REM2: variants seen among roughly 807,000 people sequenced by gnomAD.
REM2 encodes the protein GTP-binding protein REM 2.
In REM2, 24 loss-of-function variants were observed where a neutral mutation model predicts 24.4. The observed-to-expected ratio is 0.98, with a 90% CI of 0.71 to 1.38. The LOEUF (loss-of-function observed/expected upper bound fraction) is 1.38, where lower values mean the gene tolerates loss of function less well. Ranked by LOEUF, REM2 falls within the 40% of genes most tolerant of loss-of-function variation. REM2 has a pLI of 0.00. For synonymous variants in REM2, 187 were observed against 198.0 expected, an observed-to-expected ratio of 0.94 and a Z score of 0.47; for missense variants, 429 against 467.8, an observed-to-expected ratio of 0.92 and a Z score of 0.77.
chr14:22,885,934 C>T lies in REM2; in HGVS notation c.520-90C>T, dbSNP rs2040121023. The stretch of plus-strand genomic sequence containing the variant: ...GTCCTAAGCAGGTGGCTTCTTTCTG[C>T]CTCACAGCCCTGTTCCTCCTCTTTG... On this transcript the variant is annotated intron_variant, in intron 3 of 4. Transcript: ENST00000267396. The T allele has an allele frequency of 2.8e-6, 3 of 1,084,368 alleles. No individual in the cohort carries two copies. In the East Asian group the frequency reaches 7.2e-5, roughly 26 times the overall value. The allele number at this position is 1,084,368 out of a possible 1,614,324, so 67.2% of individuals were successfully genotyped here.
In REM2 at chr14:22,886,972, G is replaced by C. The variant is rs947178859; in HGVS notation, c.*63G>C. ...CCGCGCCCTCCGCTCGCCCCCCCTC[G>C]CCCCGCCCCGCCCCCGTCCGGCTTC... On this transcript the variant is annotated 3_prime_UTR_variant, in exon 5 of 5. Transcript: ENST00000267396. The surrounding 1 kb of genome is among the most constrained non-coding windows in gnomAD (Gnocchi z 5.9). 4 of 1,258,674 alleles carry C rather than the reference G, an allele frequency of 3.2e-6. No individual in the cohort carries two copies. The African/African-American group carries it at 6.4e-5, about 20-fold the overall frequency. The allele number at this position is 1,258,674 out of a possible 1,614,324, so 78.0% of individuals were successfully genotyped here. A position where few individuals can be genotyped will look rare whatever the true frequency, so the allele number is the denominator to read the frequency against.
Position 22,887,440 on chromosome 14 carries a change from GT to G in REM2, c.*532del, listed in dbSNP as rs1257641864. ...CTGGCTCTCATCTGGTGCGGCATGTGTCCACTTTGCCTTTAAGGAGTTCTTA... is the reference window on the plus strand; with the variant it reads ...CTGGCTCTCATCTGGTGCGGCATGTGCCACTTTGCCTTTAAGGAGTTCTTA... On this transcript the variant is annotated 3_prime_UTR_variant, in exon 5 of 5. Transcript: ENST00000267396. 2 of 152,162 alleles carry G rather than the reference GT, an allele frequency of 1.3e-5. No individual in the cohort carries two copies. Among genetic ancestry groups the G allele is most frequent in the East Asian group, 1.9e-4 (1 of 5,182 alleles). The allele number at this position is 152,162 out of a possible 1,614,324, so 9.4% of individuals were successfully genotyped here.
rs985008338 is a variant in REM2, at chr14:22,886,548, C to T, written c.728-66C>T. 2.1e-6 allele frequency: 3 copies of T among 1,404,826 alleles called. No individual in the cohort carries two copies. The highest frequency in any genetic ancestry group is 1.5e-5 in the African/African-American group (1 of 68,888). 87.0% of individuals were successfully genotyped at this position (1,404,826 alleles called of 1,614,324 possible). A position where few individuals can be genotyped will look rare whatever the true frequency, so the allele number is the denominator to read the frequency against. On this transcript the variant is annotated intron_variant, in intron 4 of 4. Coordinates refer to ENST00000267396, the MANE Select transcript of REM2 (RefSeq NM_173527.3). The surrounding 1 kb of genome is among the most constrained non-coding windows in gnomAD (Gnocchi z 5.9). ...TTGCCACCGCACGCCCAGGCCCTCC[C>T]TAGACCCACCCTCGCCCCGGGTCCC...
intron 3 of REM2, among the ~76,000 whole-genome samples, chr14:22,885,565 G>A (rs1165741049): frequency 2.6e-5 from 4 of 152,146 alleles, no homozygotes; most frequent in Non-Finnish European, 5.9e-5. Flanking sequence ...ACTTAGGATG[G>A]GAATTTGACA....
Position 22,886,997 on chromosome 14 carries a change from C to T in REM2, c.*88C>T. On this transcript the variant is annotated 3_prime_UTR_variant, in exon 5 of 5. Transcript: ENST00000267396. This position sits in a 1 kb window ranked among gnomAD's most constrained non-coding sequence, Gnocchi z 5.9. ...GCCCCGCCCCGCCCCCGTCCGGCTTCCTTGGTGGAGGCCGTCTAGGAAACC... is the reference window on the plus strand; with the variant it reads ...GCCCCGCCCCGCCCCCGTCCGGCTTTCTTGGTGGAGGCCGTCTAGGAAACC... 1.6e-6 allele frequency: 2 copies of T among 1,218,140 alleles called. No individual in the cohort carries two copies. The highest frequency in any genetic ancestry group is 2.2e-6 in the Non-Finnish European group (2 of 920,382). 75.5% of individuals were successfully genotyped at this position (1,218,140 alleles called of 1,614,324 possible). A position where few individuals can be genotyped will look rare whatever the true frequency, so the allele number is the denominator to read the frequency against.
chr14:22,886,336 C>A lies in REM2; in HGVS notation c.727+105C>A. ...CTTTTTACCATCGCGGACGCACTCACTTGCAATCAGACCCAGGCTAGGGGG... is the reference window on the plus strand; with the variant it reads ...CTTTTTACCATCGCGGACGCACTCAATTGCAATCAGACCCAGGCTAGGGGG... On this transcript the variant is annotated intron_variant, in intron 4 of 4. Coordinates refer to ENST00000267396, the MANE Select transcript of REM2 (RefSeq NM_173527.3). This position sits in a 1 kb window ranked among gnomAD's most constrained non-coding sequence, Gnocchi z 5.9. The A allele has an allele frequency of 9.3e-7, 1 of 1,075,548 alleles. No homozygotes were observed. The highest frequency in any genetic ancestry group is 1.4e-6 in the Non-Finnish European group (1 of 722,450). 66.6% of individuals were successfully genotyped at this position (1,075,548 alleles called of 1,614,324 possible). A position where few individuals can be genotyped will look rare whatever the true frequency, so the allele number is the denominator to read the frequency against.
Position 22,883,245 on chromosome 14 carries a change from G to C in REM2, c.-43G>C. 1 of 1,071,654 alleles carries C rather than the reference G, an allele frequency of 9.3e-7. No individual in the cohort carries two copies. Among genetic ancestry groups the C allele is most frequent in the South Asian group, 1.3e-5 (1 of 74,302 alleles). The allele number at this position is 1,071,654 out of a possible 1,614,324, so 66.4% of individuals were successfully genotyped here. On this transcript the variant is annotated 5_prime_UTR_variant, in exon 1 of 5. Transcript: ENST00000267396. ...CTGAGTGAGGGAGAGGGTGCTGCGA[G>C]CTGCTGGGCTGCACACGCACACGCA...
rs1421642356 is a variant in REM2, at chr14:22,887,059, G to A, written c.*150G>A. ...GGATGCCCCGGTGTGACCGCCGGGG[G>A]CGGCCCGGGGCCGCTCGGCGGCACC... is the stretch of plus-strand genomic sequence containing the variant. On this transcript the variant is annotated 3_prime_UTR_variant, in exon 5 of 5. Transcript: ENST00000267396. The A allele has an allele frequency of 4.8e-6, 3 of 621,376 alleles. No individual in the cohort carries two copies. Among genetic ancestry groups the A allele is most frequent in the Non-Finnish European group, 7.5e-6 (3 of 401,698 alleles). 38.5% of individuals were successfully genotyped at this position (621,376 alleles called of 1,614,324 possible). A position where few individuals can be genotyped will look rare whatever the true frequency, so the allele number is the denominator to read the frequency against.
rs1370594181 is a variant in REM2 at position 22,883,381 on chromosome 14, C to A, written c.94C>A (p.Pro32Thr). ...CCGCCGGGCCTCCCCTCCAGGGACG[C>A]CCACACCAGGTGAGGGCTAACCTGG... ...GSRRASPPGT[P>T]TPEADATLLK... Residue 32 changes from proline (P) to threonine (T), a missense_variant, in exon 1 of 5, where the codon CCC becomes ACC. By Grantham distance (38) the Pro-to-Thr change is conservative. Coordinates refer to ENST00000267396, the MANE Select transcript of REM2 (RefSeq NM_173527.3). The A allele has an allele frequency of 6.4e-7, 1 of 1,553,428 alleles. No individual in the cohort carries two copies. The highest frequency in any genetic ancestry group is 1.4e-5 in the African/African-American group (1 of 73,100).
rs2040107839 is a variant in REM2, at chr14:22,884,891, C to A, written c.321C>A (p.Ala107=). 1.9e-6 allele frequency: 3 copies of A among 1,613,318 alleles called. No homozygotes were observed. The highest frequency in any genetic ancestry group is 2.5e-6 in the Non-Finnish European group (3 of 1,179,398). The change falls in exon 2 of 5, where the codon GCC becomes GCA. Residue 107 remains alanine, a synonymous_variant. Coordinates refer to ENST00000267396, the MANE Select transcript of REM2 (RefSeq NM_173527.3). ...SSDSLGSGEA[A]PAQKDGIFKV... ...ACTCCTTGGGCTCAGGGGAGGCAGC[C>A]CCTGCTCAAAAGGATGGCATCTTCA... is the stretch of plus-strand genomic sequence containing the variant.
At chr14:22,883,429 G>C in intron 1 of REM2, 39 bp downstream of exon 1, 3 of 1,544,512 alleles carry the variant, frequency 1.9e-6, no homozygotes, top group Non-Finnish European at 2.6e-6. Context: ...TGAAACCATG[G>C]GGGTGGGAGC....
Position 22,883,385 on chromosome 14 carries a change from CACCAGGTGAGGGCTA to C in REM2, c.102_103+13del. ...CGGGCCTCCCCTCCAGGGACGCCCA[CACCAGGTGAGGGCTA>C]ACCTGGGCAGGTTCCGGCTGAAACC... On this transcript the variant is annotated splice_donor_variant and splice_donor_5th_base_variant and coding_sequence_variant and intron_variant, in exon 1 of 5. Transcript: ENST00000267396. LOFTEE classifies it high-confidence loss of function. The C allele has an allele frequency of 3.2e-6, 5 of 1,553,108 alleles. No homozygotes were observed. Among genetic ancestry groups the C allele is most frequent in the Non-Finnish European group, 4.4e-6 (5 of 1,147,946 alleles).
Position 22,884,885 on chromosome 14 carries a change from G to T in REM2, c.315G>T (p.Glu105Asp). 1 of 1,613,532 alleles carries T rather than the reference G, an allele frequency of 6.2e-7. No individual in the cohort carries two copies. The highest frequency in any genetic ancestry group is 8.5e-7 in the Non-Finnish European group (1 of 1,179,578). Residue 105 changes from glutamate to aspartate, a missense_variant, in exon 2 of 5, where the codon GAG (glutamate) becomes GAT (aspartate). Physicochemically the swap from Glu to Asp is conservative, Grantham distance 45 (BLOSUM62 2). Transcript: ENST00000267396. The part of the protein sequence containing the change: ...SGSSDSLGSG[E>D]AAPAQKDGIF... ...CGTCTGACTCCTTGGGCTCAGGGGA[G>T]GCAGCCCCTGCTCAAAAGGATGGCA...
Position 22,887,028 on chromosome 14 carries a change from C to A in REM2, c.*119C>A. ...TGGAGGCCGTCTAGGAAACCAAAAA[C>A]TCCCAGGATGCCCCGGTGTGACCGC... On this transcript the variant is annotated 3_prime_UTR_variant, in exon 5 of 5. Transcript: ENST00000267396. The A allele has an allele frequency of 1.1e-6, 1 of 942,724 alleles. No individual in the cohort carries two copies. The highest frequency in any genetic ancestry group is 1.5e-6 in the Non-Finnish European group (1 of 680,160). 58.4% of individuals were successfully genotyped at this position (942,724 alleles called of 1,614,324 possible).
intron 1 of REM2, chr14:22,884,363 C>G (rs2040099936): frequency 1.0e-6 from 1 of 985,306 alleles, no homozygotes. Flanking sequence ...GGGGGTTTGC[C>G]TGTGTATCAG....
chr14:22,884,064 C>CCT (rs990720690), intron 1 of REM2: 43 of 981,652 alleles, frequency 4.4e-5, no homozygotes, highest in Admixed American at 1.2e-4. Context: ...AGCAGCAGCC[C>CCT]CTCTCTCTCT....
chr14:22,883,625 G>T lies in REM2; in HGVS notation c.103+235G>T, dbSNP rs78746902. ...CCAGCACTCCCAGGGCTTTGCTTGA[G>T]AAACTGGTACATGGCCCCTAGCTCA... On this transcript the variant is annotated intron_variant, in intron 1 of 4. Transcript: ENST00000267396. Among the ~76,000 whole-genome samples the T allele has an allele frequency of 5.5e-3, 844 of 152,234 alleles. 11 individuals carry two copies. Among genetic ancestry groups the T allele is most frequent in the African/African-American group, 0.02 (810 of 41,522 alleles).
rs912350554 is a variant in REM2, at chr14:22,886,097, C to T, written c.593C>T (p.Thr198Ile). The T allele has an allele frequency of 6.2e-7, 1 of 1,614,006 alleles. No homozygotes were observed. The change falls in exon 4 of 5, where the codon ACC (threonine) becomes ATC (isoleucine). Residue 198 changes from threonine to isoleucine, a missense_variant. By Grantham distance (89) the Thr-to-Ile change is moderately conservative. Transcript: ENST00000267396. The surrounding 1 kb of genome is among the most constrained non-coding windows in gnomAD (Gnocchi z 5.9). ...GCCTTTCTCATCGTCTTCTCAGTCA[C>T]CGACCGACGGAGTTTCTCCAAAGTT... ...GDAFLIVFSV[T>I]DRRSFSKVPE...
rs1218942988 is a variant in REM2, at chr14:22,884,683, C to T, written c.113C>T (p.Ala38Val). The T allele has an allele frequency of 1.3e-6, 2 of 1,598,586 alleles. No individual in the cohort carries two copies. The highest frequency in any genetic ancestry group is 1.3e-5 in the African/African-American group (1 of 74,272). Residue 38 changes from alanine (A) to valine (V), a missense_variant, in exon 2 of 5, where the codon GCC becomes GTC. By Grantham distance (64) the Ala-to-Val change is moderately conservative. Coordinates refer to ENST00000267396, the MANE Select transcript of REM2 (RefSeq NM_173527.3). Reference sequence around the variant, plus strand: ...TCCCATTTTATTTTAGAAGCAGATGCCACGCTACTAAAGAAGTCAGAGAAA... The same window carrying T: ...TCCCATTTTATTTTAGAAGCAGATGTCACGCTACTAAAGAAGTCAGAGAAA... ...PPGTPTPEAD[A>V]TLLKKSEKLL...
Sources: allele counts gnomAD v4.1 joint callset (sites outside exome capture counted in the v4.1 genomes callset), GRCh38; gene constraint gnomAD v4.1.1; non-coding constraint Gnocchi (gnomAD v3.1); transcripts MANE v1.5; gene names NCBI Gene and HGNC (gene_info 2026-07-23, HGNC 2026-07-21).